CLIP1: variants seen among roughly 807,000 people sequenced by gnomAD.
The protein encoded by CLIP1 is CAP-Gly domain containing linker protein 1, also known as CAP-Gly domain-containing linker protein 1.
CLIP1 carries 66 observed loss-of-function variants against 161.6 expected under a neutral mutation model. The ratio of observed to expected loss-of-function variants is 0.41; its 90% CI spans 0.33 to 0.50. The LOEUF is 0.50. CLIP1 is among the 20% of genes least tolerant of loss of function. CLIP1 has a pLI of 0.27. For missense variants in CLIP1, 1,376 were observed against 1,702.0 expected, an observed-to-expected ratio of 0.81 and a Z score of 3.37; for synonymous variants, 598 against 626.2, an observed-to-expected ratio of 0.96 and a Z score of 0.67.
At chr12:122,370,068 C>T (rs563421827) in intron 3 of CLIP1, among the ~76,000 whole-genome samples, 14 of 151,354 alleles carry the variant, frequency 9.2e-5, no homozygotes, top group East Asian at 3.9e-4. Flanking sequence ...GAGGCTGGGG[C>T]GCGACAATTG....
In CLIP1 at chr12:122,355,336, G is replaced by A; in HGVS notation, c.1006-24C>T. On this transcript the variant is annotated intron_variant, in intron 5 of 25. Coordinates refer to ENST00000620786, the MANE Select transcript of CLIP1 (RefSeq NM_001247997.2). The surrounding 1 kb of genome is among the most constrained non-coding windows in gnomAD (Gnocchi z 4.1). ...AACTGTAAAGGAAAGTTAGAGAAAT[G>A]AAGGGCGATGATGCTGTCAGAAAAG... 1 of 1,601,986 alleles carries A rather than the reference G, an allele frequency of 6.2e-7. No individual in the cohort carries two copies. Among genetic ancestry groups the A allele is most frequent in the South Asian group, 1.1e-5 (1 of 90,626 alleles).
At chr12:122,417,990 C>T (rs1464393712) in intron 1 of CLIP1, among the ~76,000 whole-genome samples, 1 of 152,094 alleles carries the variant, frequency 6.6e-6, no homozygotes, top group Non-Finnish European at 1.5e-5. Context: ...GCTAGGTCTC[C>T]TCTTGCTGCC....
Position 122,341,214 on chromosome 12 carries a change from C to G in CLIP1, c.1990G>C (p.Glu664Gln). Residue 664 changes from glutamate to glutamine, a missense_variant, in exon 11 of 26, where the codon GAG becomes CAG. Around this residue, in one of 6 missense-constraint regions of CLIP1, gnomAD observed 948 missense variants for 1,134.8 expected, o/e 0.84. Coordinates refer to ENST00000620786, the MANE Select transcript of CLIP1 (RefSeq NM_001247997.2). ...TGTTGGTAATCTAGTCTCATTTTCT[C>G]TATTTGTGTTTTTAGTTCAGCAAAT... ...AEFAELKTQIEKMRLDYQHEI... is the reference protein window; with the variant it reads ...AEFAELKTQIQKMRLDYQHEI... 6.2e-7 allele frequency: 1 copy of G among 1,614,146 alleles called. No individual in the cohort carries two copies. The highest frequency in any genetic ancestry group is 1.1e-5 in the South Asian group (1 of 91,078).
At chr12:122,318,851 A>C (rs1951370320) in intron 18 of CLIP1, among the ~76,000 whole-genome samples, 1 of 152,212 alleles carries the variant, frequency 6.6e-6, no homozygotes, top group African/African-American at 2.4e-5. Flanking sequence ...TGGGCCAAGA[A>C]AAGGCCTACA....
chr12:122,372,603 C>G (rs865916998), intron 3 of CLIP1, among the ~76,000 whole-genome samples: 2 of 148,814 alleles, frequency 1.3e-5, no homozygotes, highest in Non-Finnish European at 3.0e-5. Context: ...AAAAAAAAAA[C>G]AAAACTAAAA....
intron 20 of CLIP1, among the ~76,000 whole-genome samples, chr12:122,305,756 C>T (rs1220844577): frequency 1.3e-5 from 2 of 152,006 alleles, no homozygotes; most frequent in African/African-American, 2.4e-5. Flanking sequence ...AATCAGCTGC[C>T]AGCTTGACCA....
At chr12:122,322,266 T>G (rs993022611) in intron 17 of CLIP1, 1 of 152,680 alleles carries the variant, frequency 6.5e-6, no homozygotes, top group Non-Finnish European at 1.5e-5. Context: ...TTCTGAAGGA[T>G]GAAGTAGCTT....
chr12:122,292,078 G>A (rs575860080), intron 20 of CLIP1, among the ~76,000 whole-genome samples: 11 of 152,086 alleles, frequency 7.2e-5, no homozygotes, highest in East Asian at 3.9e-4. Context: ...TGCAACCTCC[G>A]CTTCCCAGGT....
At chr12:122,309,973 A>C in intron 19 of CLIP1, 91 bp from the exon 20 acceptor site, 1 of 1,443,698 alleles carries the variant, frequency 6.9e-7, no homozygotes, top group Non-Finnish European at 9.6e-7. Context: ...TGAAGAAAAT[A>C]TATCTGGGTC....
rs894016599 is a variant in CLIP1, at chr12:122,360,953, C to A, written c.1005+6G>T. On this transcript the variant is annotated splice_donor_region_variant and intron_variant, in intron 5 of 25. Coordinates refer to ENST00000620786, the MANE Select transcript of CLIP1 (RefSeq NM_001247997.2). The stretch of plus-strand genomic sequence containing the variant: ...GTGGAGGCAGGTAGTGAGAAAGGGG[C>A]CTTACTAGTCCTGTCCGACTGGGCC... The A allele has an allele frequency of 6.2e-6, 10 of 1,605,210 alleles. No homozygotes were observed. The highest frequency in any genetic ancestry group is 1.1e-5 in the South Asian group (1 of 90,624).
intron 19 of CLIP1, among the ~76,000 whole-genome samples, chr12:122,314,137 A>G (rs1285970952): frequency 6.6e-6 from 1 of 152,030 alleles, no homozygotes. Context: ...CTAAAAATAC[A>G]AAAATTAGAT....
chr12:122,386,711 G>A (rs1399614303), intron 1 of CLIP1, among the ~76,000 whole-genome samples: 1 of 151,452 alleles, frequency 6.6e-6, no homozygotes, highest in African/African-American at 2.4e-5. Context: ...TTTAAAAAAT[G>A]AGATTCTGGC....
At chr12:122,318,544 CAACAA>C (rs1566109983) in intron 18 of CLIP1, among the ~76,000 whole-genome samples, 1 of 152,030 alleles carries the variant, frequency 6.6e-6, no homozygotes, top group Non-Finnish European at 1.5e-5. Context: ...AAAACAACAA[CAACAA>C]AACAAAACAA....
intron 1 of CLIP1, among the ~76,000 whole-genome samples, chr12:122,403,338 CAA>C (rs1196723549): frequency 1.3e-5 from 2 of 151,946 alleles, no homozygotes; most frequent in Non-Finnish European, 2.9e-5. Context: ...GAGCTCAGCA[CAA>C]AGAGTTTGAA....
At chr12:122,395,390 C>T (rs1264107867) in intron 1 of CLIP1, 1 of 152,042 alleles carries the variant, frequency 6.6e-6, no homozygotes, top group Non-Finnish European at 1.5e-5. Context: ...AAAATAGTAC[C>T]TCATGGTGTC....
At chr12:122,306,841 T>C (rs1047155224) in intron 20 of CLIP1, among the ~76,000 whole-genome samples, 3 of 152,286 alleles carry the variant, frequency 2.0e-5, no homozygotes, top group African/African-American at 7.2e-5. Flanking sequence ...ACCCCATTTC[T>C]AGCTCACAGC....
At chr12:122,384,904 A>C (rs1357528751) in intron 1 of CLIP1, among the ~76,000 whole-genome samples, 1 of 151,896 alleles carries the variant, frequency 6.6e-6, no homozygotes, top group Admixed American at 6.6e-5. Flanking sequence ...AGTTAAGTTA[A>C]AACTGGAAGG....
chr12:122,325,831 T>A (rs1217560668), intron 17 of CLIP1, among the ~76,000 whole-genome samples: 1 of 152,066 alleles, frequency 6.6e-6, no homozygotes, highest in Admixed American at 6.6e-5. Context: ...TTTTTTGTAT[T>A]TGTAGTAGAG....
chr12:122,390,192 T>TATATA (rs1337061420), intron 1 of CLIP1, among the ~76,000 whole-genome samples: 1 of 132,916 alleles, frequency 7.5e-6, no homozygotes, highest in Non-Finnish European at 1.6e-5. Context: ...TATATATATA[T>TATATA]ATATAATATA....
Sources: allele counts gnomAD v4.1 joint callset (sites outside exome capture counted in the v4.1 genomes callset), GRCh38; gene constraint gnomAD v4.1.1; regional missense constraint gnomAD v4.1.1; non-coding constraint Gnocchi (gnomAD v3.1); transcripts MANE v1.5; gene names NCBI Gene and HGNC (gene_info 2026-07-23, HGNC 2026-07-21).